The following CDK13 variants were observed in gnomAD, a reference collection of about 807,000 sequenced individuals.
The protein encoded by CDK13 is cyclin-dependent kinase 13.
A neutral mutation model predicts 137.6 loss-of-function variants in CDK13; 40 were observed. The observed-to-expected ratio is 0.29, with a 90% CI of 0.23 to 0.38. CDK13 has a LOEUF of 0.38. CDK13 is among the 10% of genes least tolerant of loss of function. The pLI, the probability that CDK13 is intolerant of heterozygous loss-of-function variation, is 1.00. For missense variants in CDK13, 1,704 were observed against 1,951.8 expected, an observed-to-expected ratio of 0.87 and a Z score of 2.39; for synonymous variants, 869 against 760.1, an observed-to-expected ratio of 1.14 and a Z score of -2.36.
intron 1 of CDK13, among the ~76,000 whole-genome samples, chr7:39,965,474 A>G (rs2116157669): frequency 6.6e-6 from 1 of 152,072 alleles, no homozygotes; most frequent in Admixed American, 6.5e-5. Context: ...TGCTTGGTAG[A>G]TCTTCCTCCA....
chr7:40,012,808 A>G (rs1217881750), intron 5 of CDK13, among the ~76,000 whole-genome samples: 1 of 151,224 alleles, frequency 6.6e-6, no homozygotes, highest in Non-Finnish European at 1.5e-5. Flanking sequence ...GCTACTTGGG[A>G]GGCTGAGGCA....
Position 39,998,226 on chromosome 7 carries a change from C to G in CDK13, c.2042+562C>G, listed in dbSNP as rs371095346. On this transcript the variant is annotated intron_variant, in intron 3 of 13. Transcript: ENST00000181839. ...GCCTTTTTTTTTTTTTTTTTAACTT[C>G]TTAACCAAGGGACAGTGAAGACTTT... 61 of 126,908 alleles carry G rather than the reference C, an allele frequency of 4.8e-4. 1 individual carries two copies. The South Asian group carries it at 0.014, about 30-fold the overall frequency. The allele number at this position is 126,908 out of a possible 1,614,324, so 7.9% of individuals were successfully genotyped here.
chr7:39,986,619 T>G (rs1047929096), intron 1 of CDK13: 2 of 152,210 alleles, frequency 1.3e-5, no homozygotes, highest in African/African-American at 4.8e-5. Context: ...AAAATAATAG[T>G]TGTCAAGTAC....
intron 5 of CDK13, among the ~76,000 whole-genome samples, chr7:40,028,254 C>T: frequency 7.0e-6 from 1 of 142,088 alleles, no homozygotes; most frequent in South Asian, 2.2e-4. Flanking sequence ...GAGTCTCACT[C>T]TGTCGCCAGG....
chr7:39,950,767 G>A lies in CDK13; in HGVS notation c.126G>A (p.Pro42=), dbSNP rs2116047543. 2.0e-6 allele frequency: 3 copies of A among 1,476,382 alleles called. No individual in the cohort carries two copies. The highest frequency in any genetic ancestry group is 2.7e-6 in the Non-Finnish European group (3 of 1,121,362). The allele number at this position is 1,476,382 out of a possible 1,614,324, so 91.5% of individuals were successfully genotyped here. A position where few individuals can be genotyped will look rare whatever the true frequency, so the allele number is the denominator to read the frequency against. The change falls in exon 1 of 14, where the codon CCG becomes CCA. Residue 42 remains proline (P), a synonymous_variant. Transcript: ENST00000181839. The part of the protein sequence containing the change: ...LSPQQPPLLL[P]LLQPQLLQPP... Reference sequence around the variant, plus strand: ...CTCAGCAGCCGCCGCTGCTGTTGCCGCTCCTGCAGCCGCAGCTCCTGCAAC... The same window carrying A: ...CTCAGCAGCCGCCGCTGCTGTTGCCACTCCTGCAGCCGCAGCTCCTGCAAC...
chr7:39,963,402 C>T (rs1325426985), intron 1 of CDK13, among the ~76,000 whole-genome samples: 1 of 151,840 alleles, frequency 6.6e-6, no homozygotes, highest in Non-Finnish European at 1.5e-5. Context: ...AATGGGAGTT[C>T]ACTCATGATT....
intron 5 of CDK13, chr7:40,002,384 A>G (rs1784701454): frequency 1.3e-5 from 2 of 159,704 alleles, no homozygotes; most frequent in African/African-American, 4.8e-5. Context: ...GCCTTAACAT[A>G]TAAGGAAACT....
At chr7:40,010,128 A>G (rs1326473089) in intron 5 of CDK13, among the ~76,000 whole-genome samples, 3 of 152,130 alleles carry the variant, frequency 2.0e-5, no homozygotes, top group Non-Finnish European at 4.4e-5. Flanking sequence ...GTAATATAAT[A>G]AAATAATTAA....
intron 2 of CDK13, among the ~76,000 whole-genome samples, chr7:39,996,211 T>C (rs947791784): frequency 2.0e-5 from 3 of 152,228 alleles, no homozygotes; most frequent in Admixed American, 6.5e-5. Context: ...AATAGGAGGA[T>C]AATTACAATT....
chr7:40,003,392 C>T (rs1473661611), intron 5 of CDK13, among the ~76,000 whole-genome samples: 4 of 152,150 alleles, frequency 2.6e-5, no homozygotes, highest in Non-Finnish European at 5.9e-5. Context: ...CTCAGCCTGA[C>T]TTTTACCCTG....
intron 11 of CDK13, among the ~76,000 whole-genome samples, chr7:40,079,914 G>A (rs140278061): frequency 1.3e-5 from 2 of 152,106 alleles, no homozygotes; most frequent in Middle Eastern, 3.2e-3. Context: ...TGGGGAGTAG[G>A]GGGGAAGGAA....
At chr7:39,998,282 A>T (rs1245837308) in intron 3 of CDK13, 1 of 147,950 alleles carries the variant, frequency 6.8e-6, no homozygotes, top group Non-Finnish European at 1.5e-5. Context: ...ATTGCAGTTG[A>T]GGTAGTGCCT....
At chr7:40,055,294 CA>C (rs1349352671) in intron 7 of CDK13, among the ~76,000 whole-genome samples, 1 of 151,622 alleles carries the variant, frequency 6.6e-6, no homozygotes, top group African/African-American at 2.4e-5. Context: ...TGTATGTACA[CA>C]TTTATTTGAT....
intron 5 of CDK13, among the ~76,000 whole-genome samples, chr7:40,045,583 G>A (rs945128873): frequency 6.6e-6 from 1 of 150,636 alleles, no homozygotes; most frequent in Non-Finnish European, 1.5e-5. Flanking sequence ...GAACAGCAGG[G>A]TGATTTTTTT....
rs367614912 is a variant in CDK13, at chr7:40,040,758, A to G, written c.2354-5078A>G. Reference sequence around the variant, plus strand: ...TTACTAATGGGGTCTTCCATTTTATATTTTAACTGGTGGTTGATGTTAGTG... The same window carrying G: ...TTACTAATGGGGTCTTCCATTTTATGTTTTAACTGGTGGTTGATGTTAGTG... On this transcript the variant is annotated intron_variant, in intron 5 of 13. Transcript: ENST00000181839. 9.9e-5 allele frequency among the ~76,000 whole-genome samples: 15 copies of G among 152,256 alleles called. No individual in the cohort carries two copies. In the South Asian group the frequency reaches 2.1e-3, roughly 21 times the overall value.
intron 9 of CDK13, among the ~76,000 whole-genome samples, chr7:40,065,371 C>T (rs1490456105): frequency 6.6e-6 from 1 of 151,926 alleles, no homozygotes; most frequent in Admixed American, 6.6e-5. Context: ...ACAGGGTTGT[C>T]CAGTCTTTTG....
intron 5 of CDK13, 90 bp downstream of exon 5, chr7:40,002,121 G>A: frequency 5.0e-6 from 4 of 800,112 alleles, no homozygotes; most frequent in Non-Finnish European, 8.0e-6. Context: ...GACTATTTGA[G>A]TAATTACAAA....
At chr7:40,049,311 C>G (rs1312187238) in intron 7 of CDK13, 1 of 151,228 alleles carries the variant, frequency 6.6e-6, no homozygotes, top group Admixed American at 6.6e-5. Context: ...ACCTCCAGTC[C>G]TCTGTACCAA....
chr7:40,080,563 A>G (rs939971717), intron 11 of CDK13, among the ~76,000 whole-genome samples: 2 of 152,198 alleles, frequency 1.3e-5, no homozygotes, highest in African/African-American at 4.8e-5. Flanking sequence ...ATTACCTGAC[A>G]TCATGAGGGA....
Sources: allele counts gnomAD v4.1 joint callset (sites outside exome capture counted in the v4.1 genomes callset), GRCh38; gene constraint gnomAD v4.1.1; transcripts MANE v1.5; gene names NCBI Gene and HGNC (gene_info 2026-07-23, HGNC 2026-07-21).